The following SNORC variants were observed in gnomAD, a reference collection of about 807,000 sequenced individuals.
The protein encoded by SNORC is protein SNORC.
A neutral mutation model predicts 9.7 loss-of-function variants in SNORC; 11 were observed. That is an observed-to-expected ratio of 1.14 (90% CI 0.72 to 1.88). The LOEUF is 1.88. Ranked by LOEUF, SNORC falls within the 40% of genes most tolerant of loss-of-function variation. SNORC has a pLI of 0.00. For missense variants in SNORC, 197 were observed against 173.1 expected (o/e 1.14, Z -0.77); for synonymous variants, 108 against 88.7 (o/e 1.22, Z -1.22).
At chr2:232,874,440 C>T (rs1352893055) in intron 1 of SNORC, among the ~76,000 whole-genome samples, 4 of 152,342 alleles carry the variant, frequency 2.6e-5, no homozygotes, top group East Asian at 3.9e-4. Flanking sequence ...TGTCCCTCCC[C>T]GTCCAGGAAC....
At chr2:232,869,417 T>TG (rs1184881600), upstream of SNORC, among the ~76,000 whole-genome samples, 1 of 152,114 alleles carries the variant, frequency 6.6e-6, no homozygotes, top group Non-Finnish European at 1.5e-5. Context: ...CTGACAGAAC[T>TG]CTGAGGGCTC....
downstream of SNORC, chr2:232,876,583 G>A: frequency 8.7e-7 from 1 of 1,143,972 alleles, no homozygotes; most frequent in Non-Finnish European, 1.1e-6. The surrounding 1 kb of genome is among the most constrained non-coding windows in gnomAD (Gnocchi z 6.8). Flanking sequence ...GCGTGCGTGA[G>A]CGCACAGCAT....
intron 1 of SNORC, among the ~76,000 whole-genome samples, chr2:232,874,491 C>T (rs760631858): frequency 1.3e-5 from 2 of 152,206 alleles, no homozygotes; most frequent in African/African-American, 4.8e-5. Context: ...AACCTTTCGG[C>T]CTTTCTTTGT....
chr2:232,874,062 G>C (rs1456268579), intron 1 of SNORC, among the ~76,000 whole-genome samples: 1 of 152,224 alleles, frequency 6.6e-6, no homozygotes, highest in Non-Finnish European at 1.5e-5. Flanking sequence ...GCTGAGCCTT[G>C]CAACTGACCT....
chr2:232,876,462 G>T, downstream of SNORC: 1 of 1,373,582 alleles, frequency 7.3e-7, no homozygotes, highest in Non-Finnish European at 9.3e-7. This position sits in a 1 kb window ranked among gnomAD's most constrained non-coding sequence, Gnocchi z 6.8. Flanking sequence ...GCCAGAGCGT[G>T]AGCGCGCGCA....
At chr2:232,877,926 T>TG (rs1478591063), downstream of SNORC, 7 of 152,296 alleles carry the variant, frequency 4.6e-5, no homozygotes, top group East Asian at 1.3e-3. Context: ...CGGGGACCAA[T>TG]GGCCACCCAA....
intron 1 of SNORC, 137 bp downstream of exon 1, chr2:232,870,551 C>A: frequency 1.2e-6 from 1 of 847,934 alleles, no homozygotes; most frequent in Non-Finnish European, 1.8e-6. Context: ...GGTGATTCTG[C>A]GAAGAGCTCT....
At chr2:232,875,516 GAGT>G (rs1247446133) in intron 1 of SNORC, 5 of 440,446 alleles carry the variant, frequency 1.1e-5, no homozygotes, top group Non-Finnish European at 2.3e-5. Flanking sequence ...CCCAGGGTTG[GAGT>G]GGTGGTCAGG....
upstream of SNORC, among the ~76,000 whole-genome samples, chr2:232,868,182 C>T (rs1324457978): frequency 6.7e-6 from 1 of 148,680 alleles, no homozygotes; most frequent in Non-Finnish European, 1.5e-5. Context: ...ATGCATCCTC[C>T]ACCTCCCAAG....
At chr2:232,866,845 C>G (rs957993180), upstream of SNORC, among the ~76,000 whole-genome samples, 5 of 152,180 alleles carry the variant, frequency 3.3e-5, no homozygotes, top group Non-Finnish European at 7.3e-5. Flanking sequence ...TCCTGAGTAA[C>G]TGGGATTATA....
chr2:232,874,772 G>T (rs545326974), intron 1 of SNORC, among the ~76,000 whole-genome samples: 2 of 152,368 alleles, frequency 1.3e-5, no homozygotes, highest in South Asian at 4.1e-4. Flanking sequence ...GGCCGGCAGG[G>T]TCTGTTCACA....
chr2:232,876,361 A>G lies in SNORC; in HGVS notation c.*5A>G. 2 of 1,528,482 alleles carry G rather than the reference A, an allele frequency of 1.3e-6. No homozygotes were observed. The highest frequency in any genetic ancestry group is 1.8e-6 in the Non-Finnish European group (2 of 1,142,000). The allele number at this position is 1,528,482 out of a possible 1,614,324, so 94.7% of individuals were successfully genotyped here. On this transcript the variant is annotated 3_prime_UTR_variant, in exon 3 of 3. Coordinates refer to ENST00000331342, the Ensembl canonical transcript of SNORC. The surrounding 1 kb of genome is among the most constrained non-coding windows in gnomAD (Gnocchi z 6.8). ...AGAAAGTTTTCTGCCTCCTGAAGCG[A>G]ATAAAGGGGCCGCGCCCGGCCGCGG...
exon 1 of SNORC, chr2:232,870,409 T>A: frequency 6.4e-7 from 1 of 1,568,806 alleles, no homozygotes; most frequent in Non-Finnish European, 8.6e-7. Flanking sequence ...CCTGCGGTGC[T>A]CACAGGTAAG....
At chr2:232,868,434 G>A (rs709933), upstream of SNORC, among the ~76,000 whole-genome samples, 97,150 of 152,010 alleles carry the variant, frequency 0.64, 31,472 homozygotes, top group African/African-American at 0.72. Flanking sequence ...CAGGGTTGGC[G>A]TCCACCCGGC....
upstream of SNORC, chr2:232,870,148 G>T (rs1201932013): frequency 3.2e-6 from 2 of 625,248 alleles, no homozygotes; most frequent in Admixed American, 4.8e-5. Flanking sequence ...GGTCTGTTCT[G>T]TGAGCTCTTG....
downstream of SNORC, chr2:232,877,016 C>CA (rs1691283940): frequency 2.0e-6 from 2 of 985,460 alleles, no homozygotes; most frequent in South Asian, 9.4e-5. Context: ...TCGGCTCTCC[C>CA]AGCCAGAGGC....
At chr2:232,869,371 G>A (rs1305368237), upstream of SNORC, among the ~76,000 whole-genome samples, 1 of 152,156 alleles carries the variant, frequency 6.6e-6, no homozygotes, top group Non-Finnish European at 1.5e-5. Flanking sequence ...AGCCCTTAGC[G>A]CGGTGGGAAA....
upstream of SNORC, chr2:232,869,675 G>A (rs78068955): frequency 6.4e-4 from 100 of 155,156 alleles, 1 homozygote; most frequent in East Asian, 0.018. Flanking sequence ...GTGCACAGGG[G>A]TCTAGGGAGG....
intron 1 of SNORC, among the ~76,000 whole-genome samples, chr2:232,873,028 T>A (rs1200370276): frequency 3.3e-5 from 5 of 152,156 alleles, no homozygotes; most frequent in Non-Finnish European, 7.4e-5. Flanking sequence ...TGCAGATGGG[T>A]ACTGGGCCAG....
Sources: gnomAD v4.1 joint callset for allele counts (sites outside exome capture counted in the v4.1 genomes callset) on GRCh38, gnomAD v4.1.1 for gene constraint, Gnocchi (gnomAD v3.1) non-coding constraint, MANE v1.5 for transcripts, NCBI Gene and HGNC (gene_info 2026-07-23, HGNC 2026-07-21) for gene names.